Variants in LSAMP observed in about 807,000 individuals in gnomAD.
The protein encoded by LSAMP is limbic system associated membrane protein, also known as limbic system-associated membrane protein.
A neutral mutation model predicts 38.6 loss-of-function variants in LSAMP; 7 were observed. That is an observed-to-expected ratio of 0.18 (90% confidence interval 0.10 to 0.34). The LOEUF is 0.34. Ranked by LOEUF, LSAMP falls within the 10% of genes least tolerant of loss-of-function variation. LSAMP has a pLI of 1.00. For synonymous variants in LSAMP, 154 were observed against 166.8 expected (o/e 0.92, Z 0.59); for missense variants, 313 against 420.0 (o/e 0.75, Z 2.23).
chr3:115,927,230 G>A (rs1937513694), intron 3 of LSAMP, among the ~76,000 whole-genome samples: 1 of 152,128 alleles, frequency 6.6e-6, no homozygotes, highest in African/African-American at 2.4e-5. Flanking sequence ...GATAGGGCAT[G>A]GTGAAAAAAG....
intron 1 of LSAMP, among the ~76,000 whole-genome samples, chr3:116,146,558 A>C (rs540340968): frequency 6.6e-6 from 1 of 152,082 alleles, no homozygotes; most frequent in African/African-American, 2.4e-5. Flanking sequence ...AAAAAAATCT[A>C]CTTTTGCTAT....
intron 2 of LSAMP, among the ~76,000 whole-genome samples, chr3:116,055,518 C>A (rs1355713181): frequency 2.0e-5 from 3 of 152,104 alleles, no homozygotes; most frequent in Admixed American, 6.5e-5. Context: ...GGGTTAGGTC[C>A]CCCTGCCCAG....
rs79802312 is a variant in LSAMP, at chr3:115,966,885, C to T, written c.514+52630G>A. ...AGTGATTAATAAAATAGAACCTTAT[C>T]AATATCTTTGAAATTCTGTTTATGC... On this transcript the variant is annotated intron_variant, in intron 3 of 6. Transcript: ENST00000490035. Among the ~76,000 whole-genome samples the T allele has an allele frequency of 4.1e-4, 62 of 152,252 alleles. 1 individual carries two copies. In the East Asian group the frequency reaches 0.011, roughly 27 times the overall value.
intron 1 of LSAMP, among the ~76,000 whole-genome samples, chr3:116,291,698 T>C (rs2047269711): frequency 6.6e-6 from 1 of 152,164 alleles, no homozygotes; most frequent in African/African-American, 2.4e-5. Flanking sequence ...GGCCCAGGTG[T>C]TTCTGATGCC....
intron 3 of LSAMP, among the ~76,000 whole-genome samples, chr3:116,016,398 T>G (rs1371585008): frequency 6.6e-6 from 1 of 152,190 alleles, no homozygotes; most frequent in Non-Finnish European, 1.5e-5. Context: ...TAGTTTTGCA[T>G]GTGCCAGAAT....
At chr3:115,981,278 C>T (rs919151567) in intron 3 of LSAMP, among the ~76,000 whole-genome samples, 1 of 152,114 alleles carries the variant, frequency 6.6e-6, no homozygotes, top group Non-Finnish European at 1.5e-5. Flanking sequence ...ACCCACTACA[C>T]CTTTATAGTA....
At chr3:116,124,743 G>A (rs1407221904) in intron 1 of LSAMP, among the ~76,000 whole-genome samples, 1 of 152,096 alleles carries the variant, frequency 6.6e-6, no homozygotes, top group Non-Finnish European at 1.5e-5. Context: ...AAATGAAGCT[G>A]TTTACAGCAA....
chr3:115,953,723 T>A (rs1938367431), intron 3 of LSAMP, among the ~76,000 whole-genome samples: 1 of 152,246 alleles, frequency 6.6e-6, no homozygotes, highest in African/African-American at 2.4e-5. Flanking sequence ...TCTTCTACCC[T>A]GCAGAGTCTG....
At chr3:116,299,313 TCA>T (rs936390760) in intron 1 of LSAMP, among the ~76,000 whole-genome samples, 22 of 152,162 alleles carry the variant, frequency 1.4e-4, no homozygotes, top group African/African-American at 5.3e-4. Flanking sequence ...AGACAGAGTC[TCA>T]CGTACTGGAA....
chr3:116,239,803 T>G (rs2046509252), intron 1 of LSAMP, among the ~76,000 whole-genome samples: 1 of 152,260 alleles, frequency 6.6e-6, no homozygotes, highest in Non-Finnish European at 1.5e-5. Context: ...AATGTAAAAC[T>G]CTTAGTATAC....
intron 1 of LSAMP, among the ~76,000 whole-genome samples, chr3:116,138,123 A>G (rs921322403): frequency 6.6e-6 from 1 of 152,134 alleles, no homozygotes; most frequent in African/African-American, 2.4e-5. Context: ...ACAAGTTCTC[A>G]ACTAATGAAC....
chr3:116,333,854 A>G, intron 1 of LSAMP, among the ~76,000 whole-genome samples: 1 of 151,898 alleles, frequency 6.6e-6, no homozygotes, highest in South Asian at 2.1e-4. Flanking sequence ...AAAAAGACAA[A>G]TTAAATCCAA....
In LSAMP at chr3:116,296,540, G is replaced by A. The variant is rs373398552; in HGVS notation, c.155+148337C>T. 2.6e-4 allele frequency among the ~76,000 whole-genome samples: 39 copies of A among 151,836 alleles called. No individual in the cohort carries two copies. The East Asian group carries it at 7.2e-3, about 28-fold the overall frequency. Reference sequence around the variant, plus strand: ...ACTAAAAAAATACAAAAAATTAGCCGGGCATGGTGGTGGGTGCCGTGGCGG... The same window carrying A: ...ACTAAAAAAATACAAAAAATTAGCCAGGCATGGTGGTGGGTGCCGTGGCGG... On this transcript the variant is annotated intron_variant, in intron 1 of 6. Transcript: ENST00000490035.
At chr3:116,434,841 G>A (rs964380133) in intron 1 of LSAMP, among the ~76,000 whole-genome samples, 19 of 152,132 alleles carry the variant, frequency 1.2e-4, no homozygotes, top group African/African-American at 4.6e-4. Flanking sequence ...GAGCCACTGC[G>A]CTCGGCCGGG....
chr3:116,388,201 C>G (rs1382949430), intron 1 of LSAMP, among the ~76,000 whole-genome samples: 1 of 152,078 alleles, frequency 6.6e-6, no homozygotes, highest in Non-Finnish European at 1.5e-5. Flanking sequence ...AAAAATGAGG[C>G]TACTTGACTG....
At chr3:116,274,818 T>C (rs1403971236) in intron 1 of LSAMP, among the ~76,000 whole-genome samples, 1 of 152,128 alleles carries the variant, frequency 6.6e-6, no homozygotes, top group Non-Finnish European at 1.5e-5. Context: ...ATATAATTTA[T>C]AGGCACGCTG....
At chr3:115,964,266 T>C (rs1938724539) in intron 3 of LSAMP, among the ~76,000 whole-genome samples, 1 of 152,242 alleles carries the variant, frequency 6.6e-6, no homozygotes, top group African/African-American at 2.4e-5. Context: ...TGTGTCTTAC[T>C]CATGTTTGAA....
At chr3:115,832,054 G>A (rs1171374588) in intron 6 of LSAMP, among the ~76,000 whole-genome samples, 7 of 152,120 alleles carry the variant, frequency 4.6e-5, no homozygotes, top group Non-Finnish European at 1.0e-4. Flanking sequence ...TTTAATCACA[G>A]CTTGAAGGGG....
chr3:115,855,292 A>G (rs1935471610), intron 3 of LSAMP, among the ~76,000 whole-genome samples: 1 of 152,232 alleles, frequency 6.6e-6, no homozygotes, highest in African/African-American at 2.4e-5. Flanking sequence ...ACAGAAAATA[A>G]AACAATATTT....
Sources: gnomAD v4.1 joint callset for allele counts (sites outside exome capture counted in the v4.1 genomes callset) on GRCh38, gnomAD v4.1.1 for gene constraint, MANE v1.5 for transcripts, NCBI Gene and HGNC (gene_info 2026-07-23, HGNC 2026-07-21) for gene names.